The following CST8 variants were observed in gnomAD, a reference collection of about 807,000 sequenced individuals.
CST8 encodes the protein cystatin-8.
A neutral mutation model predicts 11.8 loss-of-function variants in CST8; 20 were observed. The ratio of observed to expected loss-of-function variants is 1.70; its 90% confidence interval spans 1.20 to 2.47. The LOEUF is 2.47. Ranked by LOEUF, CST8 falls within the 30% of genes most tolerant of loss-of-function variation. CST8 has a pLI of 0.00. For synonymous variants in CST8, 77 were observed against 63.1 expected, an observed-to-expected ratio of 1.22 and a Z score of -1.05; for missense variants, 196 against 167.2, an observed-to-expected ratio of 1.17 and a Z score of -0.95.
rs267605858 is a variant in CST8 at position 23,491,755 on chromosome 20, G to A, written c.88G>A (p.Gly30Arg). The A allele has an allele frequency of 1.2e-6, 2 of 1,613,972 alleles. No homozygotes were observed. Among genetic ancestry groups the A allele is most frequent in the Non-Finnish European group, 1.7e-6 (2 of 1,179,994 alleles). ...ARKDPKKNET[G>R]VLRKLKPVNA... ...GAAAGACCCAAAAAAGAATGAGACAGGGGTGCTGAGGAAATTAAAACCCGT... is the reference window on the plus strand; with the variant it reads ...GAAAGACCCAAAAAAGAATGAGACAAGGGTGCTGAGGAAATTAAAACCCGT... Residue 30 changes from glycine (G) to arginine (R), a missense_variant, in exon 2 of 4, where the codon GGG (glycine) becomes AGG (arginine). Transcript: ENST00000246012.
At chr20:23,500,488 G>T (rs993227572), downstream of CST8, among the ~76,000 whole-genome samples, 1 of 152,150 alleles carries the variant, frequency 6.6e-6, no homozygotes. Context: ...TGTCAGGACT[G>T]CCTGCCCCCC....
chr20:23,491,596 C>A lies in CST8; in HGVS notation c.-72C>A. ...AACCCACAGCAGCAGCTGCGGCCAC[C>A]CCATCCTGCCCACAGCTCCAGCCCT... On this transcript the variant is annotated 5_prime_UTR_variant, in exon 2 of 4. Coordinates refer to ENST00000246012, the MANE Select transcript of CST8 (RefSeq NM_005492.4). The A allele has an allele frequency of 8.4e-7, 1 of 1,190,670 alleles. No homozygotes were observed. The highest frequency in any genetic ancestry group is 1.2e-6 in the Non-Finnish European group (1 of 808,252). 73.8% of individuals were successfully genotyped at this position (1,190,670 alleles called of 1,614,324 possible).
Position 23,494,244 on chromosome 20 carries a change from C to G in CST8, c.345+1173C>G, listed in dbSNP as rs538749320. 2.6e-5 allele frequency among the ~76,000 whole-genome samples: 4 copies of G among 152,088 alleles called. No individual in the cohort carries two copies. In the East Asian group the frequency reaches 7.7e-4, roughly 29 times the overall value. ...CTTTAAATTTATATTTTCTCCCGGG[C>G]TTTTAGGGATTGTAGAAAAGTTTTT... On this transcript the variant is annotated intron_variant, in intron 3 of 3. Coordinates refer to ENST00000246012, the MANE Select transcript of CST8 (RefSeq NM_005492.4).
At chr20:23,502,663 C>A in the CST8 span, among the ~76,000 whole-genome samples, 1 of 152,110 alleles carries the variant, frequency 6.6e-6, no homozygotes, top group Non-Finnish European at 1.5e-5. Flanking sequence ...CTGTAACTTC[C>A]GAGCAAGTGT....
At chr20:23,505,524 A>G in the CST8 span, among the ~76,000 whole-genome samples, 1 of 21,606 alleles carries the variant, frequency 4.6e-5, no homozygotes, top group Admixed American at 3.9e-4. Context: ...TAGGAGAGGA[A>G]AAAAAAAAAT....
downstream of CST8, among the ~76,000 whole-genome samples, chr20:23,498,945 T>G (rs1036929423): frequency 6.6e-6 from 1 of 152,216 alleles, no homozygotes; most frequent in Non-Finnish European, 1.5e-5. Context: ...GGGCTCCCAG[T>G]GGCTGCATGG....
intron 2 of CST8, among the ~76,000 whole-genome samples, 192 bp downstream of exon 2, chr20:23,492,090 C>A (rs1467620965): frequency 6.6e-6 from 1 of 152,232 alleles, no homozygotes; most frequent in African/African-American, 2.4e-5. Flanking sequence ...AACGCTTGCG[C>A]TTTTGTTCTA....
downstream of CST8, among the ~76,000 whole-genome samples, chr20:23,497,178 A>G (rs998891139): frequency 6.6e-6 from 1 of 152,236 alleles, no homozygotes; most frequent in African/African-American, 2.4e-5. Flanking sequence ...GATTGCAGTA[A>G]AGACAGGCAT....
intron 3 of CST8, 42 bp downstream of exon 3, chr20:23,493,113 T>G: frequency 8.1e-7 from 1 of 1,232,376 alleles, no homozygotes; most frequent in South Asian, 1.2e-5. Flanking sequence ...TAGGCAGCTC[T>G]GAACCCAAGA....
At chr20:23,498,499 T>C (rs1182406606), downstream of CST8, among the ~76,000 whole-genome samples, 1 of 152,200 alleles carries the variant, frequency 6.6e-6, no homozygotes, top group African/African-American at 2.4e-5. Flanking sequence ...CTTTTTCCTC[T>C]GGTTCCTCTG....
downstream of CST8, among the ~76,000 whole-genome samples, chr20:23,500,129 C>G (rs1442151197): frequency 1.3e-5 from 2 of 152,118 alleles, no homozygotes; most frequent in African/African-American, 4.8e-5. Flanking sequence ...GGGAAACTCT[C>G]TCATTACCTC....
At position 23,495,959 on chromosome 20, in the gene CST8, A is replaced by C; in HGVS notation, c.*45A>C. 1 of 1,451,192 alleles carries C rather than the reference A, an allele frequency of 6.9e-7. No individual in the cohort carries two copies. Among genetic ancestry groups the C allele is most frequent in the African/African-American group, 1.4e-5 (1 of 70,016 alleles). 89.9% of individuals were successfully genotyped at this position (1,451,192 alleles called of 1,614,324 possible). ...TCCAACCTCTGTGACTACTTTATCC[A>C]TGAAAATGAAGCAATGGCAGGTGGG... On this transcript the variant is annotated 3_prime_UTR_variant, in exon 4 of 4. Coordinates refer to ENST00000246012, the MANE Select transcript of CST8 (RefSeq NM_005492.4).
At chr20:23,505,051 A>C in the CST8 span, among the ~76,000 whole-genome samples, 1 of 151,988 alleles carries the variant, frequency 6.6e-6, no homozygotes, top group Non-Finnish European at 1.5e-5. Flanking sequence ...GCTCTTTTGC[A>C]ATTGTTACAG....
At chr20:23,498,487 T>G (rs1208454981), downstream of CST8, among the ~76,000 whole-genome samples, 1 of 152,224 alleles carries the variant, frequency 6.6e-6, no homozygotes, top group Non-Finnish European at 1.5e-5. Context: ...GGCCTCAAAC[T>G]ACTTTTTCCT....
At chr20:23,500,075 G>A (rs142926396), downstream of CST8, among the ~76,000 whole-genome samples, 2 of 151,628 alleles carry the variant, frequency 1.3e-5, no homozygotes, top group African/African-American at 4.9e-5. Flanking sequence ...GAGGAGAGGC[G>A]GGGAGGGAGG....
the CST8 span, among the ~76,000 whole-genome samples, chr20:23,504,172 T>C: frequency 6.6e-6 from 1 of 152,228 alleles, no homozygotes; most frequent in African/African-American, 2.4e-5. Flanking sequence ...TGCCTTGAAC[T>C]AAATAATGAC....
intron 2 of CST8, 57 bp from the exon 3 acceptor site, chr20:23,492,899 TCA>T: frequency 1.9e-6 from 2 of 1,028,032 alleles, no homozygotes; most frequent in Admixed American, 1.8e-5. Flanking sequence ...TTTTTTTTTG[TCA>T]AAACTTTAAA....
intron 3 of CST8, among the ~76,000 whole-genome samples, chr20:23,494,243 G>T (rs572942029): frequency 2.0e-5 from 3 of 152,200 alleles, no homozygotes; most frequent in African/African-American, 7.2e-5. Context: ...TTTCTCCCGG[G>T]CTTTTAGGGA....
chr20:23,499,792 C>A (rs1988139452), downstream of CST8, among the ~76,000 whole-genome samples: 1 of 152,178 alleles, frequency 6.6e-6, no homozygotes, highest in Admixed American at 6.5e-5. Context: ...TTGGGCAGGG[C>A]AGTGGGGACC....
Sources: allele counts gnomAD v4.1 joint callset (sites outside exome capture counted in the v4.1 genomes callset), GRCh38; gene constraint gnomAD v4.1.1; transcripts MANE v1.5; gene names NCBI Gene and HGNC (gene_info 2026-07-23, HGNC 2026-07-21).